CREB5: variants seen among roughly 807,000 people sequenced by gnomAD.
CREB5 encodes cyclic AMP-responsive element-binding protein 5.
A neutral mutation model predicts 57.1 loss-of-function variants in CREB5; 19 were observed. The observed-to-expected ratio is 0.33, with a 90% CI of 0.23 to 0.49. CREB5 has a LOEUF of 0.49. CREB5 is among the 20% of genes least tolerant of loss of function. CREB5 has a pLI of 0.99. For missense variants in CREB5, 579 were observed against 671.6 expected, an observed-to-expected ratio of 0.86 and a Z score of 1.52; for synonymous variants, 238 against 238.3, an observed-to-expected ratio of 1.00 and a Z score of 0.01.
intron 7 of CREB5, among the ~76,000 whole-genome samples, chr7:28,728,648 T>C (rs1166621446): frequency 6.6e-6 from 1 of 152,212 alleles, no homozygotes; most frequent in East Asian, 1.9e-4. Flanking sequence ...CGTGTGTCTC[T>C]CTCGATTGAT....
chr7:28,321,151 T>C (rs572145049), intron 1 of CREB5, among the ~76,000 whole-genome samples: 76 of 152,212 alleles, frequency 5.0e-4, no homozygotes, highest in Non-Finnish European at 8.4e-4. Context: ...GACACACTGC[T>C]TGACACTTAG....
chr7:28,786,513 G>C (rs1243594946), intron 7 of CREB5, among the ~76,000 whole-genome samples: 1 of 152,160 alleles, frequency 6.6e-6, no homozygotes, highest in Non-Finnish European at 1.5e-5. Flanking sequence ...CTCTCAAAGT[G>C]CTGGGATTAC....
chr7:28,486,866 A>G (rs1583525241), intron 1 of CREB5, among the ~76,000 whole-genome samples: 1 of 151,338 alleles, frequency 6.6e-6, no homozygotes, highest in East Asian at 2.0e-4. Flanking sequence ...GCATTTTGGG[A>G]GGCCAAGATG....
chr7:28,555,023 C>T (rs1298096107), intron 4 of CREB5, among the ~76,000 whole-genome samples: 1 of 152,084 alleles, frequency 6.6e-6, no homozygotes, highest in Non-Finnish European at 1.5e-5. Flanking sequence ...CTCCCCTCTC[C>T]TCCGCCTTCA....
At chr7:28,338,197 C>T (rs899067826) in intron 1 of CREB5, among the ~76,000 whole-genome samples, 5 of 152,096 alleles carry the variant, frequency 3.3e-5, no homozygotes, top group African/African-American at 9.7e-5. Context: ...TTTCTGCATA[C>T]TTACTATTGC....
At chr7:28,609,133 T>C (rs1311965230) in intron 5 of CREB5, 1 of 152,232 alleles carries the variant, frequency 6.6e-6, no homozygotes, top group Non-Finnish European at 1.5e-5. Context: ...AGGTATGTAG[T>C]CACTATTAGT....
chr7:28,457,421 A>G (rs177575), intron 1 of CREB5, among the ~76,000 whole-genome samples: 128,761 of 152,148 alleles, frequency 0.85, 55,037 homozygotes, highest in East Asian at 1. Flanking sequence ...TGTTCTGCAT[A>G]GGGCAGGCAG....
chr7:28,420,971 AT>A (rs145466890), intron 1 of CREB5, among the ~76,000 whole-genome samples: 6,689 of 151,792 alleles, frequency 0.044, 430 homozygotes, highest in African/African-American at 0.14. Flanking sequence ...ATCCACTTTA[AT>A]TTTTTTTTAA....
At position 28,804,172 on chromosome 7, in the gene CREB5, T is replaced by G. The variant is rs1418822624; in HGVS notation, c.703-27T>G. On this transcript the variant is annotated intron_variant, in intron 7 of 10. Transcript: ENST00000357727. ...TGTACATGACTGACTTCAGTTGTTC[T>G]CTCTCCTCCCTTTTGTTCTGTTTCA... 5 of 1,598,658 alleles carry G rather than the reference T, an allele frequency of 3.1e-6. No individual in the cohort carries two copies. In the East Asian group the frequency reaches 9.0e-5, roughly 29 times the overall value.
chr7:28,314,935 A>G (rs1785347869), intron 1 of CREB5, among the ~76,000 whole-genome samples: 1 of 152,226 alleles, frequency 6.6e-6, no homozygotes, highest in South Asian at 2.1e-4. Flanking sequence ...ACTTTGTTTA[A>G]TGTAGCATTT....
chr7:28,333,105 G>T (rs925036202), intron 1 of CREB5, among the ~76,000 whole-genome samples: 3 of 152,198 alleles, frequency 2.0e-5, no homozygotes, highest in African/African-American at 4.8e-5. Flanking sequence ...AACCTGAACA[G>T]CTATGAAGTG....
In CREB5 at chr7:28,804,597, T is replaced by C. The variant is rs1420144769; in HGVS notation, c.1026+75T>C. On this transcript the variant is annotated intron_variant, in intron 8 of 10. Coordinates refer to ENST00000357727, the MANE Select transcript of CREB5 (RefSeq NM_182898.4). ...GTGCAAGCTCTAATGCTGGGGTCAT[T>C]TGCAGCAATCTTGTTTGACAAGCCC... 5.2e-6 allele frequency: 8 copies of C among 1,532,356 alleles called. No individual in the cohort carries two copies. The East Asian group carries it at 1.8e-4, about 35-fold the overall frequency. 94.9% of individuals were successfully genotyped at this position (1,532,356 alleles called of 1,614,324 possible).
intron 6 of CREB5, among the ~76,000 whole-genome samples, chr7:28,722,056 A>G (rs1457534838): frequency 6.6e-6 from 1 of 152,246 alleles, no homozygotes; most frequent in African/African-American, 2.4e-5. Flanking sequence ...AAAGCACCAA[A>G]TAGTTATTTT....
chr7:28,450,538 C>T (rs1789744782), intron 1 of CREB5, among the ~76,000 whole-genome samples: 1 of 152,326 alleles, frequency 6.6e-6, no homozygotes, highest in Middle Eastern at 3.4e-3. Context: ...AGAAAAGAGT[C>T]ATTGCAACAA....
intron 1 of CREB5, among the ~76,000 whole-genome samples, chr7:28,479,246 G>A (rs1791220624): frequency 6.6e-6 from 1 of 151,384 alleles, no homozygotes; most frequent in Non-Finnish European, 1.5e-5. Context: ...CAGATCAGGA[G>A]ACTCCAGTGT....
chr7:28,748,561 A>G (rs1804801032), intron 7 of CREB5, among the ~76,000 whole-genome samples: 1 of 152,238 alleles, frequency 6.6e-6, no homozygotes, highest in Non-Finnish European at 1.5e-5. Flanking sequence ...TCTGGAGAAA[A>G]TTCTTTAAAT....
intron 5 of CREB5, among the ~76,000 whole-genome samples, chr7:28,689,143 T>G (rs1583552456): frequency 6.6e-6 from 1 of 152,332 alleles, no homozygotes; most frequent in Non-Finnish European, 1.5e-5. Flanking sequence ...TTAAAAATTT[T>G]TATTCAGATA....
In CREB5 at chr7:28,740,900, C is replaced by CA. The variant is rs529814881; in HGVS notation, c.702+16575dup. 3.4e-3 allele frequency among the ~76,000 whole-genome samples: 520 copies of CA among 151,132 alleles called. 4 individuals carry two copies. The highest frequency in any genetic ancestry group is 0.012 in the African/African-American group (486 of 41,196). On this transcript the variant is annotated intron_variant, in intron 7 of 10. Transcript: ENST00000357727. ...AAATGTAGTTGGATATTTACTCAGG[C>CA]AAAAAAATATCAAAAGGACATATTC...
chr7:28,491,530 G>T (rs999739051), intron 2 of CREB5, among the ~76,000 whole-genome samples: 2 of 152,116 alleles, frequency 1.3e-5, no homozygotes, highest in Admixed American at 1.3e-4. Context: ...ATGGAAATTG[G>T]GATTGACAAA....
Sources: allele counts gnomAD v4.1 joint callset (sites outside exome capture counted in the v4.1 genomes callset), GRCh38; gene constraint gnomAD v4.1.1; transcripts MANE v1.5; gene names NCBI Gene and HGNC (gene_info 2026-07-23, HGNC 2026-07-21).